Variants in CAPN13 observed in about 807,000 individuals in gnomAD.
CAPN13 encodes the protein calpain 13, also known as calpain-13.
Under a neutral mutation model 98.4 loss-of-function variants are expected in CAPN13, and 90 were observed. The observed-to-expected ratio is 0.92, with a 90% CI of 0.77 to 1.09. CAPN13 has a LOEUF of 1.09. Among genes scored for constraint, CAPN13 ranks in the 50% least tolerant of loss-of-function variants. The pLI is 0.00. For synonymous variants in CAPN13, 330 were observed against 305.5 expected (o/e 1.08, Z -0.84); for missense variants, 887 against 841.3 (o/e 1.05, Z -0.67).
In CAPN13 at chr2:30,764,215, G is replaced by A; in HGVS notation, c.616C>T (p.His206Tyr). 6.2e-7 allele frequency: 1 copy of A among 1,612,334 alleles called. No individual in the cohort carries two copies. The highest frequency in any genetic ancestry group is 1.1e-5 in the South Asian group (1 of 90,426). ...TTCACCAGGTCCACAGGGGAAGAGT[G>A]CAGATGGATGTTGGTGATCACGCCT... Reference protein sequence around the residue: ...TGGVITNIHLHSSPVDLVKAV... With the variant: ...TGGVITNIHLYSSPVDLVKAV... Residue 206 changes from histidine to tyrosine, a missense_variant, in exon 6 of 23, where the codon CAC (histidine) becomes TAC (tyrosine). His to Tyr is a moderately conservative substitution (Grantham distance 83, BLOSUM62 2). Transcript: ENST00000295055.
chr2:30,754,142 TTG>T (rs1427525708), intron 9 of CAPN13, 146 bp downstream of exon 9: 42 of 497,414 alleles, frequency 8.4e-5, no homozygotes, highest in African/African-American at 6.8e-4. Flanking sequence ...TCCAAAGTTT[TTG>T]TGTCTTGGTA....
At chr2:30,749,717 C>T (rs1327243755) in intron 11 of CAPN13, among the ~76,000 whole-genome samples, 1 of 151,856 alleles carries the variant, frequency 6.6e-6, no homozygotes, top group African/African-American at 2.4e-5. Flanking sequence ...TTTTCGGGGC[C>T]TCAGTCTCTT....
chr2:30,743,866 A>G, intron 12 of CAPN13: 1 of 542,114 alleles, frequency 1.8e-6, no homozygotes, highest in Non-Finnish European at 3.4e-6. Flanking sequence ...CCCTGCTTAT[A>G]TAGAGAGAAA....
chr2:30,772,652 T>C (rs569089853), intron 4 of CAPN13, among the ~76,000 whole-genome samples: 5 of 152,120 alleles, frequency 3.3e-5, no homozygotes, highest in Admixed American at 1.3e-4. Flanking sequence ...TAGTTGAATA[T>C]AAGGAGGCAA....
In CAPN13 at chr2:30,776,016, A is replaced by G; in HGVS notation, c.301T>C (p.Ser101Pro). ...CTGTACTGTGGGTTCTGAGTCAAGG[A>G]TCCCAGTGCTGCCAGGAACCAGCAG... ...ADCWFLAALG[S>P]LTQNPQYRQK... The change falls in exon 4 of 23, where the codon TCC (serine) becomes CCC (proline). Residue 101 changes from serine (S) to proline (P), a missense_variant. Physicochemically the swap from Ser to Pro is moderately conservative, Grantham distance 74. Transcript: ENST00000295055. The G allele has an allele frequency of 6.2e-7, 1 of 1,612,544 alleles. No homozygotes were observed.
intron 13 of CAPN13, 155 bp downstream of exon 13, chr2:30,743,228 C>T: frequency 1.4e-6 from 1 of 717,498 alleles, no homozygotes; most frequent in Non-Finnish European, 2.4e-6. Flanking sequence ...CTCGCTCCCC[C>T]TTTATGGTGA....
intron 4 of CAPN13, among the ~76,000 whole-genome samples, chr2:30,772,344 C>T (rs1239853506): frequency 1.3e-5 from 2 of 152,202 alleles, no homozygotes; most frequent in South Asian, 2.1e-4. Flanking sequence ...GACCTGGGCA[C>T]TGGGTAACTT....
chr2:30,804,322 T>C (rs1473436559), intron 1 of CAPN13, among the ~76,000 whole-genome samples: 1 of 152,176 alleles, frequency 6.6e-6, no homozygotes, highest in East Asian at 1.9e-4. Flanking sequence ...TGCCTCAGCC[T>C]CCCAAGTAGC....
At chr2:30,773,014 T>C (rs7340389) in intron 4 of CAPN13, among the ~76,000 whole-genome samples, 89,231 of 151,926 alleles carry the variant, frequency 0.59, 27,239 homozygotes, top group African/African-American at 0.73. Context: ...TTAGTAGAGA[T>C]GGGGTTTCAC....
At chr2:30,783,773 T>C (rs1254707790) in intron 2 of CAPN13, among the ~76,000 whole-genome samples, 1 of 152,184 alleles carries the variant, frequency 6.6e-6, no homozygotes, top group Non-Finnish European at 1.5e-5. Flanking sequence ...TAAAACACCT[T>C]GGTGCTACCT....
chr2:30,741,408 G>A, intron 15 of CAPN13: 1 of 989,292 alleles, frequency 1.0e-6, no homozygotes, highest in Non-Finnish European at 1.2e-6. Flanking sequence ...AGAGCCCCTG[G>A]CAGCTATTTT....
At chr2:30,797,014 T>G (rs1002847860) in intron 1 of CAPN13, among the ~76,000 whole-genome samples, 1 of 152,176 alleles carries the variant, frequency 6.6e-6, no homozygotes, top group Non-Finnish European at 1.5e-5. Context: ...TATATCCACC[T>G]GAAAGAGGTG....
intron 1 of CAPN13, among the ~76,000 whole-genome samples, chr2:30,803,116 T>C (rs1675391757): frequency 6.6e-6 from 1 of 152,090 alleles, no homozygotes; most frequent in Admixed American, 6.5e-5. Flanking sequence ...TTTTCTGAGG[T>C]GGGGCTTAAT....
intron 22 of CAPN13, among the ~76,000 whole-genome samples, chr2:30,728,174 C>G (rs1339863676): frequency 6.7e-6 from 1 of 149,802 alleles, no homozygotes; most frequent in African/African-American, 2.5e-5. Flanking sequence ...TGGGGAGCAA[C>G]TGCTGTGGGC....
chr2:30,789,300 G>A (rs1674487936), intron 1 of CAPN13, among the ~76,000 whole-genome samples: 1 of 152,162 alleles, frequency 6.6e-6, no homozygotes, highest in Admixed American at 6.5e-5. Flanking sequence ...GGGGACAGTG[G>A]AACCAGTATA....
chr2:30,767,979 G>A (rs1673194176), intron 5 of CAPN13, among the ~76,000 whole-genome samples: 1 of 152,200 alleles, frequency 6.6e-6, no homozygotes, highest in Non-Finnish European at 1.5e-5. Flanking sequence ...ACTCATCTCT[G>A]AAGAAGAGAT....
chr2:30,802,542 TG>T (rs56730178), intron 1 of CAPN13, among the ~76,000 whole-genome samples: 53,435 of 112,434 alleles, frequency 0.48, 10,534 homozygotes, highest in East Asian at 0.53. Flanking sequence ...AAAGGCAGGC[TG>T]GGGGGGGGGG....
At chr2:30,779,204 A>G (rs983212901) in intron 2 of CAPN13, among the ~76,000 whole-genome samples, 3 of 152,154 alleles carry the variant, frequency 2.0e-5, no homozygotes, top group Admixed American at 6.5e-5. Context: ...GCTCCCCTCC[A>G]GGGATCCCCA....
chr2:30,738,548 C>G, intron 15 of CAPN13, 91 bp from the exon 16 acceptor site: 1 of 1,354,482 alleles, frequency 7.4e-7, no homozygotes, highest in Non-Finnish European at 1.0e-6. Context: ...CTCAGATTTC[C>G]AAGCACTTAG....
Sources: allele counts gnomAD v4.1 joint callset (sites outside exome capture counted in the v4.1 genomes callset), GRCh38; gene constraint gnomAD v4.1.1; transcripts MANE v1.5; gene names NCBI Gene and HGNC (gene_info 2026-07-23, HGNC 2026-07-21).